C11orf97: variants seen among roughly 807,000 people sequenced by gnomAD.
C11orf97 encodes the protein uncharacterized protein C11orf97.
Under a neutral mutation model 16.2 loss-of-function variants are expected in C11orf97, and 15 were observed. That is an observed-to-expected ratio of 0.93 (90% CI 0.62 to 1.43). The LOEUF is 1.43. C11orf97 is among the 40% of genes most tolerant of loss of function. C11orf97 has a pLI of 0.00. For synonymous variants in C11orf97, 61 were observed against 65.7 expected (o/e 0.93, Z 0.34); for missense variants, 171 against 161.2 (o/e 1.06, Z -0.33).
intron 2 of C11orf97, among the ~76,000 whole-genome samples, chr11:94,517,888 G>A (rs1438280918): frequency 2.0e-5 from 3 of 151,964 alleles, no homozygotes; most frequent in African/African-American, 4.8e-5. Context: ...GGTGGCTCAC[G>A]CCTGTAATCC....
intron 2 of C11orf97, among the ~76,000 whole-genome samples, chr11:94,525,904 AT>A (rs1947697168): frequency 1.3e-5 from 2 of 152,250 alleles, no homozygotes; most frequent in South Asian, 4.1e-4. Context: ...TGGTTTAGTC[AT>A]TTTAAAATTC....
In C11orf97 at chr11:94,531,974, T is replaced by G; in HGVS notation, c.*74T>G. The G allele has an allele frequency of 7.8e-7, 1 of 1,279,970 alleles. No individual in the cohort carries two copies. Among genetic ancestry groups the G allele is most frequent in the South Asian group, 1.6e-5 (1 of 63,078 alleles). 79.3% of individuals were successfully genotyped at this position (1,279,970 alleles called of 1,614,324 possible). A position where few individuals can be genotyped will look rare whatever the true frequency, so the allele number is the denominator to read the frequency against. On this transcript the variant is annotated 3_prime_UTR_variant, in exon 4 of 4. Transcript: ENST00000542198. ...GAAGAACGGAGAAGAAACTCAAGCTTGTTTCAGGATTTAAGATGTGTGCAA... is the reference window on the plus strand; with the variant it reads ...GAAGAACGGAGAAGAAACTCAAGCTGGTTTCAGGATTTAAGATGTGTGCAA...
Position 94,517,717 on chromosome 11 carries a change from G to A in C11orf97, c.250+30G>A, listed in dbSNP as rs867028128. ...TCTCAGTGACAAATGAAGTATGTTT[G>A]TGAAATGAATATGAAATTGCCTACT... On this transcript the variant is annotated intron_variant, in intron 2 of 3. Coordinates refer to ENST00000542198, the MANE Select transcript of C11orf97 (RefSeq NM_001190462.2). 50 of 1,383,680 alleles carry A rather than the reference G, an allele frequency of 3.6e-5. 1 individual carries two copies. In the Middle Eastern group the frequency reaches 5.1e-3, roughly 142 times the overall value. The allele number at this position is 1,383,680 out of a possible 1,614,324, so 85.7% of individuals were successfully genotyped here.
chr11:94,516,661 G>A (rs1220427195), intron 1 of C11orf97, among the ~76,000 whole-genome samples: 2 of 152,132 alleles, frequency 1.3e-5, no homozygotes, highest in East Asian at 3.8e-4. Flanking sequence ...ATTGCAATAA[G>A]TAAAATGAAA....
intron 1 of C11orf97, among the ~76,000 whole-genome samples, chr11:94,513,041 T>G (rs1947582523): frequency 6.6e-6 from 1 of 152,150 alleles, no homozygotes; most frequent in African/African-American, 2.4e-5. Context: ...GTATACACCC[T>G]TAGAAACACG....
Position 94,528,113 on chromosome 11 carries a change from A to G in C11orf97, c.280A>G (p.Arg94Gly). 6.5e-7 allele frequency: 1 copy of G among 1,535,360 alleles called. No homozygotes were observed. The highest frequency in any genetic ancestry group is 8.7e-7 in the Non-Finnish European group (1 of 1,146,514). ...CCTGGAAGGGATTTGGAGCATTAAA[A>G]GGAATCTGCCTGTGGGAGGCTTGAA... ...VALEGIWSIK[R>G]NLPVGGLKPG... Residue 94 changes from arginine (R) to glycine (G), a missense_variant, in exon 3 of 4, where the codon AGG (arginine) becomes GGG (glycine). Arg to Gly is a moderately radical substitution (Grantham distance 125). Coordinates refer to ENST00000542198, the MANE Select transcript of C11orf97 (RefSeq NM_001190462.2).
At chr11:94,524,196 C>G (rs1219144854) in intron 2 of C11orf97, among the ~76,000 whole-genome samples, 1 of 151,972 alleles carries the variant, frequency 6.6e-6, no homozygotes, top group East Asian at 1.9e-4. Flanking sequence ...TTGCAATAAC[C>G]CAGTGAGATA....
intron 2 of C11orf97, among the ~76,000 whole-genome samples, chr11:94,520,712 A>G (rs1331204642): frequency 6.6e-6 from 1 of 152,174 alleles, no homozygotes; most frequent in Non-Finnish European, 1.5e-5. Flanking sequence ...ATCCTTTTGA[A>G]TTCAGTGTAT....
At chr11:94,530,325 G>C (rs1190964243) in intron 3 of C11orf97, among the ~76,000 whole-genome samples, 1 of 152,102 alleles carries the variant, frequency 6.6e-6, no homozygotes, top group East Asian at 1.9e-4. Context: ...ATCTCTTTAG[G>C]TTGCCAGCTG....
At chr11:94,515,438 C>T (rs1386800773) in intron 1 of C11orf97, among the ~76,000 whole-genome samples, 5 of 152,108 alleles carry the variant, frequency 3.3e-5, no homozygotes, top group Non-Finnish European at 7.4e-5. Context: ...AGACATCTAT[C>T]GACCAATCCA....
At chr11:94,516,947 T>A (rs1304265326) in intron 1 of C11orf97, among the ~76,000 whole-genome samples, 1 of 152,168 alleles carries the variant, frequency 6.6e-6, no homozygotes, top group Non-Finnish European at 1.5e-5. Flanking sequence ...CTCTTTTGTT[T>A]CTCTGGAGTT....
chr11:94,512,721 G>A, intron 1 of C11orf97, 48 bp downstream of exon 1: 2 of 1,234,108 alleles, frequency 1.6e-6, no homozygotes, highest in Non-Finnish European at 2.0e-6. Context: ...GGGGCGTGGA[G>A]AACGAGTGAC....
intron 1 of C11orf97, 145 bp downstream of exon 1, chr11:94,512,818 A>G: frequency 2.3e-6 from 2 of 879,386 alleles, no homozygotes; most frequent in Non-Finnish European, 3.0e-6. Flanking sequence ...AGAACCAGAG[A>G]TGATGGCACT....
chr11:94,522,197 C>G (rs929759765), intron 2 of C11orf97, among the ~76,000 whole-genome samples: 1 of 152,106 alleles, frequency 6.6e-6, no homozygotes, highest in African/African-American at 2.4e-5. Context: ...CCTGGATGTC[C>G]CATAAGTCAT....
chr11:94,529,857 T>G (rs12286498), intron 3 of C11orf97, among the ~76,000 whole-genome samples: 42,735 of 152,086 alleles, frequency 0.28, 6,741 homozygotes, highest in African/African-American at 0.43. Context: ...GTGTCCTGAA[T>G]TAATGGTTGA....
rs1263021795 is a variant in C11orf97, at chr11:94,528,023, ACT to A, written c.251-58_251-57del. 41 of 1,432,876 alleles carry A rather than the reference ACT, an allele frequency of 2.9e-5. No homozygotes were observed. The South Asian group carries it at 3.1e-4, about 11-fold the overall frequency. The allele number at this position is 1,432,876 out of a possible 1,614,324, so 88.8% of individuals were successfully genotyped here. ...AAATCACCAATTAAATACTTTAAAA[ACT>A]CTGTGCTAAAAAGAGAATACGCTAA... On this transcript the variant is annotated intron_variant, in intron 2 of 3. Transcript: ENST00000542198.
Position 94,524,376 on chromosome 11 carries a change from C to T in C11orf97, c.251-3708C>T, listed in dbSNP as rs185781238. ...TCTTTAAAACATAAGATTATGCCTT[C>T]GGAGAGGAACAGAGATTTGAAATTG... On this transcript the variant is annotated intron_variant, in intron 2 of 3. Transcript: ENST00000542198. Among the ~76,000 whole-genome samples the T allele has an allele frequency of 3.3e-5, 5 of 151,840 alleles. No individual in the cohort carries two copies. The East Asian group carries it at 5.8e-4, about 18-fold the overall frequency.
chr11:94,523,082 C>A (rs115619777), intron 2 of C11orf97, among the ~76,000 whole-genome samples: 4 of 151,790 alleles, frequency 2.6e-5, no homozygotes, highest in Non-Finnish European at 2.9e-5. Flanking sequence ...TTCTTCTCAT[C>A]GTGAAATACA....
At chr11:94,514,692 T>C (rs1380538509) in intron 1 of C11orf97, among the ~76,000 whole-genome samples, 2 of 142,848 alleles carry the variant, frequency 1.4e-5, no homozygotes, top group South Asian at 4.5e-4. Flanking sequence ...TTGCCCAGGC[T>C]GGAGTACAGT....
Sources: allele counts gnomAD v4.1 joint callset (sites outside exome capture counted in the v4.1 genomes callset), GRCh38; gene constraint gnomAD v4.1.1; transcripts MANE v1.5; gene names NCBI Gene and HGNC (gene_info 2026-07-23, HGNC 2026-07-21).